HCN4: variants seen among roughly 807,000 people sequenced by gnomAD.
HCN4 encodes the protein hyperpolarization activated cyclic nucleotide gated potassium channel 4.
In HCN4, 29 loss-of-function variants were observed where a neutral mutation model predicts 76.9. The observed-to-expected ratio is 0.38, with a 90% CI of 0.28 to 0.51. The LOEUF (loss-of-function observed/expected upper bound fraction) is 0.51. Ranked by LOEUF, HCN4 falls within the 20% of genes least tolerant of loss-of-function variation. The pLI is 0.90. For synonymous variants in HCN4, 772 were observed against 762.5 expected, an observed-to-expected ratio of 1.01 and a Z score of -0.21; for missense variants, 1,416 against 1,715.2, an observed-to-expected ratio of 0.83 and a Z score of 3.08.
intron 1 of HCN4, among the ~76,000 whole-genome samples, chr15:73,349,653 C>T (rs552528314): frequency 1.8e-4 from 27 of 152,170 alleles, no homozygotes; most frequent in Non-Finnish European, 3.5e-4. Context: ...CCCACTGCCT[C>T]CCCGCTTAAG....
intron 1 of HCN4, among the ~76,000 whole-genome samples, chr15:73,365,711 A>G (rs1485552582): frequency 1.3e-5 from 2 of 152,214 alleles, no homozygotes; most frequent in Admixed American, 6.5e-5. Flanking sequence ...GAGGCTGGGC[A>G]TGCCTGGGGT....
Position 73,325,282 on chromosome 15 carries a change from C to A in HCN4, c.1737+16G>T. Reference sequence around the variant, plus strand: ...AGGCCTGGCTCCCCTCCACGCCGGGCCGCCACACAGCTCACCTCCCGCAGG... The same window carrying A: ...AGGCCTGGCTCCCCTCCACGCCGGGACGCCACACAGCTCACCTCCCGCAGG... On this transcript the variant is annotated intron_variant, in intron 5 of 7. Transcript: ENST00000261917. This position sits in a 1 kb window ranked among gnomAD's most constrained non-coding sequence, Gnocchi z 7.4. 6 of 1,614,122 alleles carry A rather than the reference C, an allele frequency of 3.7e-6. No individual in the cohort carries two copies. The highest frequency in any genetic ancestry group is 5.1e-6 in the Non-Finnish European group (6 of 1,180,006).
In HCN4 at chr15:73,320,082, T is replaced by A. The variant is rs555940671; in HGVS notation, c.*2399A>T. 6.6e-6 allele frequency: 1 copy of A among 152,432 alleles called. No homozygotes were observed. The highest frequency in any genetic ancestry group is 1.9e-4 in the East Asian group (1 of 5,182). The allele number at this position is 152,432 out of a possible 1,614,324, so 9.4% of individuals were successfully genotyped here. A position where few individuals can be genotyped will look rare whatever the true frequency, so the allele number is the denominator to read the frequency against. On this transcript the variant is annotated 3_prime_UTR_variant, in exon 8 of 8. Coordinates refer to ENST00000261917, the MANE Select transcript of HCN4 (RefSeq NM_005477.3). The stretch of plus-strand genomic sequence containing the variant: ...AGAGGGTGGTTAGGCCAGGCTCTGA[T>A]GGCAAGGGGGCTCCTCATGGCCCTG...
At chr15:73,337,374 G>A (rs923750853) in intron 2 of HCN4, among the ~76,000 whole-genome samples, 18 of 152,314 alleles carry the variant, frequency 1.2e-4, no homozygotes, top group African/African-American at 3.6e-4. Flanking sequence ...GAATAAATGC[G>A]CGTACATCTA....
chr15:73,322,720 C>T lies in HCN4; in HGVS notation c.3373G>A (p.Gly1125Ser), dbSNP rs778092273. The T allele has an allele frequency of 2.6e-6, 4 of 1,564,800 alleles. No homozygotes were observed. Among genetic ancestry groups the T allele is most frequent in the South Asian group, 1.2e-5 (1 of 85,456 alleles). Residue 1125 changes from glycine (G) to serine (S), a missense_variant, in exon 8 of 8, where the codon GGC (glycine) becomes AGC (serine). Physicochemically the swap from Gly to Ser is moderately conservative, Grantham distance 56. Around this residue, in one of 6 missense-constraint regions of HCN4, gnomAD observed 633 missense variants for 579.8 expected, o/e 1.09. Coordinates refer to ENST00000261917, the MANE Select transcript of HCN4 (RefSeq NM_005477.3). Reference protein sequence around the residue: ...AFPLFPRAGGGSGGSGSSGGL... With the variant: ...AFPLFPRAGGSSGGSGSSGGL... Reference sequence around the variant, plus strand: ...CCGCTGCTCCCACTGCCCCCGCTGCCACCCCCAGCCCTGGGGAAGAGCGGG... The same window carrying T: ...CCGCTGCTCCCACTGCCCCCGCTGCTACCCCCAGCCCTGGGGAAGAGCGGG...
chr15:73,351,580 C>T (rs546119512), intron 1 of HCN4, among the ~76,000 whole-genome samples: 37 of 152,284 alleles, frequency 2.4e-4, no homozygotes, highest in African/African-American at 7.9e-4. Context: ...CTGGATCCAA[C>T]GTGTCCCATC....
At chr15:73,348,419 T>C (rs772234012) in intron 1 of HCN4, among the ~76,000 whole-genome samples, 1 of 152,158 alleles carries the variant, frequency 6.6e-6, no homozygotes, top group Admixed American at 6.5e-5. Context: ...CACACACACA[T>C]GCACACCCAC....
At chr15:73,359,842 G>T (rs764123972) in intron 1 of HCN4, among the ~76,000 whole-genome samples, 4 of 152,132 alleles carry the variant, frequency 2.6e-5, no homozygotes, top group Non-Finnish European at 5.9e-5. Context: ...CATTTCTCTG[G>T]TGGATCAGAG....
chr15:73,337,774 G>T (rs1222332522), intron 2 of HCN4, among the ~76,000 whole-genome samples: 4 of 152,126 alleles, frequency 2.6e-5, no homozygotes, highest in African/African-American at 9.6e-5. Context: ...AGAACAAAAA[G>T]GTACCCGCTC....
chr15:73,324,573 C>T (rs1295055685), intron 6 of HCN4, among the ~76,000 whole-genome samples: 1 of 152,166 alleles, frequency 6.6e-6, no homozygotes, highest in African/African-American at 2.4e-5. Context: ...GTGGAGCCCT[C>T]GTGGATGGAA....
intron 1 of HCN4, among the ~76,000 whole-genome samples, chr15:73,364,062 T>A (rs1337672553): frequency 6.6e-6 from 1 of 152,106 alleles, no homozygotes; most frequent in East Asian, 1.9e-4. Context: ...GCCCAGCTCT[T>A]TCTGCCCCAA....
chr15:73,361,414 C>A (rs532172209), intron 1 of HCN4, among the ~76,000 whole-genome samples: 1 of 152,216 alleles, frequency 6.6e-6, no homozygotes, highest in South Asian at 2.1e-4. Context: ...TGCCCCTGCC[C>A]GCCCATGGCC....
chr15:73,340,547 C>T (rs1157965443), intron 2 of HCN4, among the ~76,000 whole-genome samples: 1 of 152,180 alleles, frequency 6.6e-6, no homozygotes, highest in African/African-American at 2.4e-5. Context: ...CTTTCCTTCA[C>T]AGCCCCTCAG....
Position 73,325,310 on chromosome 15 carries a change from C to T in HCN4, c.1725G>A (p.Glu575=), listed in dbSNP as rs764493888. The T allele has an allele frequency of 6.3e-7, 1 of 1,578,414 alleles. No individual in the cohort carries two copies. The change falls in exon 5 of 8, where the codon GAG becomes GAA. Residue 575 remains glutamate, a synonymous_variant. Coordinates refer to ENST00000261917, the MANE Select transcript of HCN4 (RefSeq NM_005477.3). The surrounding 1 kb of genome is among the most constrained non-coding windows in gnomAD (Gnocchi z 7.4). ...CCACACAGCTCACCTCCCGCAGGGGCTCGCTTAGCTCGCCCAGGATGCTCT... is the reference window on the plus strand; with the variant it reads ...CCACACAGCTCACCTCCCGCAGGGGTTCGCTTAGCTCGCCCAGGATGCTCT... ...DEESILGELS[E]PLREEIINFN...
In HCN4 at chr15:73,322,507, G is replaced by A. The variant is rs780977563; in HGVS notation, c.3586C>T (p.Arg1196Cys). ...REPGARPEPV[R>C]SKLPSNL ...CATAGATTGGATGGCAGTTTGGAGC[G>A]CACTGGCTCAGGCCTGGCCCCAGGT... Residue 1196 changes from arginine to cysteine, a missense_variant, in exon 8 of 8, where the codon CGC (arginine) becomes TGC (cysteine). Arg to Cys is a radical substitution (Grantham distance 180, BLOSUM62 -3). Around this residue, in one of 6 missense-constraint regions of HCN4, gnomAD observed 633 missense variants for 579.8 expected, o/e 1.09. Transcript: ENST00000261917. 1.6e-5 allele frequency: 26 copies of A among 1,599,224 alleles called. No individual in the cohort carries two copies. The highest frequency in any genetic ancestry group is 5.4e-5 in the African/African-American group (4 of 74,634).
Position 73,368,489 on chromosome 15 carries a change from G to A in HCN4, c.-219C>T, listed in dbSNP as rs1250442186. ...GCTCGCCGCGCTACACCTCCTCCCG[G>A]GCCCGGCTGGGCGCGGGGACCCCGC... On this transcript the variant is annotated 5_prime_UTR_variant, in exon 1 of 8. Transcript: ENST00000261917. The surrounding 1 kb of genome is among the most constrained non-coding windows in gnomAD (Gnocchi z 6.9). 1.7e-5 allele frequency: 6 copies of A among 346,858 alleles called. No individual in the cohort carries two copies. In the East Asian group the frequency reaches 2.2e-4, roughly 13 times the overall value. The allele number at this position is 346,858 out of a possible 1,614,324, so 21.5% of individuals were successfully genotyped here. A position where few individuals can be genotyped will look rare whatever the true frequency, so the allele number is the denominator to read the frequency against.
At chr15:73,353,754 G>A (rs1212237547) in intron 1 of HCN4, among the ~76,000 whole-genome samples, 2 of 152,084 alleles carry the variant, frequency 1.3e-5, no homozygotes, top group East Asian at 1.9e-4. Flanking sequence ...CCTGTGTCCT[G>A]GGGCTGGCAT....
intron 1 of HCN4, among the ~76,000 whole-genome samples, chr15:73,355,204 G>A (rs1056464589): frequency 1.3e-5 from 2 of 152,200 alleles, no homozygotes; most frequent in Non-Finnish European, 2.9e-5. Context: ...CATGCTATGC[G>A]ATGGAAGGTG....
At position 73,367,361 on chromosome 15, in the gene HCN4, C is replaced by T. The variant is rs2043133017; in HGVS notation, c.785+125G>A. ...GGGGGTGTCTCGGAGCCTAGAGGCG[C>T]CCTGCCTCTCTTGGAGCTCCCAGCG... On this transcript the variant is annotated intron_variant, in intron 1 of 7. Transcript: ENST00000261917. The surrounding 1 kb of genome is among the most constrained non-coding windows in gnomAD (Gnocchi z 7.5). 2.1e-6 allele frequency: 3 copies of T among 1,445,654 alleles called. No homozygotes were observed. Among genetic ancestry groups the T allele is most frequent in the Admixed American group, 2.0e-5 (1 of 50,480 alleles). The allele number at this position is 1,445,654 out of a possible 1,614,324, so 89.6% of individuals were successfully genotyped here. A position where few individuals can be genotyped will look rare whatever the true frequency, so the allele number is the denominator to read the frequency against.
Sources: gnomAD v4.1 joint callset for allele counts (sites outside exome capture counted in the v4.1 genomes callset) on GRCh38, gnomAD v4.1.1 for gene constraint, gnomAD v4.1.1 regional missense constraint, Gnocchi (gnomAD v3.1) non-coding constraint, MANE v1.5 for transcripts, NCBI Gene and HGNC (gene_info 2026-07-23, HGNC 2026-07-21) for gene names.